Variants in SAMD12 observed in about 807,000 individuals in gnomAD.
SAMD12 encodes sterile alpha motif domain-containing protein 12.
A neutral mutation model predicts 15.0 loss-of-function variants in SAMD12; 9 were observed. The observed-to-expected ratio is 0.60, with a 90% CI of 0.36 to 1.05. The LOEUF is 1.05. Among genes scored for constraint, SAMD12 ranks in the 50% least tolerant of loss-of-function variants. The pLI, the probability that SAMD12 is intolerant of heterozygous loss-of-function variation, is 0.01. For synonymous variants in SAMD12, 86 were observed against 90.1 expected (o/e 0.96, Z 0.25); for missense variants, 230 against 234.2 (o/e 0.98, Z 0.12).
At chr8:118,163,280 C>A in the SAMD12 span, among the ~76,000 whole-genome samples, 4 of 152,236 alleles carry the variant, frequency 2.6e-5, no homozygotes, top group Non-Finnish European at 4.4e-5. Context: ...GGGACTCCCT[C>A]TGTTGCCCAG....
chr8:118,500,747 A>G (rs1327802136), intron 2 of SAMD12, among the ~76,000 whole-genome samples: 1 of 152,176 alleles, frequency 6.6e-6, no homozygotes, highest in East Asian at 1.9e-4. Flanking sequence ...CAGAGATTGC[A>G]GTGAGCTGAG....
At chr8:118,135,546 CT>C in the SAMD12 span, among the ~76,000 whole-genome samples, 1 of 150,130 alleles carries the variant, frequency 6.7e-6, no homozygotes. Context: ...TTTTCTTCTT[CT>C]TTTTTTCTTT....
rs1178823014 is a variant in SAMD12, at chr8:118,349,944, A to C, written c.433+29616T>G. Among the ~76,000 whole-genome samples, 6 of 151,980 alleles carry C rather than the reference A, an allele frequency of 3.9e-5. No homozygotes were observed. The East Asian group carries it at 1.2e-3, about 29-fold the overall frequency. ...GGAGTTTGAGGCCAGCTTGGGCAAC[A>C]TAGTGAGATCTCATCTCTACAAAAA... On this transcript the variant is annotated intron_variant, in intron 4 of 4. Coordinates refer to the SAMD12 transcript ENST00000409003.
chr8:118,215,269 C>G (rs1229074849), intron 4 of SAMD12, among the ~76,000 whole-genome samples: 1 of 152,100 alleles, frequency 6.6e-6, no homozygotes, highest in Non-Finnish European at 1.5e-5. Context: ...TAGCTGCTTT[C>G]AAAACAACAG....
intron 2 of SAMD12, among the ~76,000 whole-genome samples, chr8:118,453,842 T>C (rs902154158): frequency 6.6e-6 from 1 of 152,096 alleles, no homozygotes; most frequent in Non-Finnish European, 1.5e-5. Flanking sequence ...TTTAATTTCA[T>C]TTCTTTTTCT....
intron 3 of SAMD12, among the ~76,000 whole-genome samples, chr8:118,384,698 G>A (rs1039640058): frequency 1.3e-5 from 2 of 152,154 alleles, no homozygotes; most frequent in African/African-American, 4.8e-5. Flanking sequence ...TCTTTAGAGA[G>A]CACTTGGGAT....
intron 2 of SAMD12, among the ~76,000 whole-genome samples, chr8:118,537,403 A>G (rs933101346): frequency 7.9e-5 from 12 of 151,936 alleles, no homozygotes; most frequent in African/African-American, 2.7e-4. Flanking sequence ...TAGGGCAATA[A>G]CTCTTAGATT....
intron 4 of SAMD12, among the ~76,000 whole-genome samples, chr8:118,306,249 G>C (rs1815343115): frequency 6.6e-6 from 1 of 152,172 alleles, no homozygotes; most frequent in Non-Finnish European, 1.5e-5. Context: ...GGAGAAAGAA[G>C]TTTCAAAGTT....
chr8:118,566,468 G>A (rs1317523013), intron 2 of SAMD12, among the ~76,000 whole-genome samples: 4 of 152,156 alleles, frequency 2.6e-5, no homozygotes, highest in Admixed American at 6.5e-5. Context: ...CGTGAAGGTA[G>A]AACTCACTTC....
At chr8:118,303,220 A>T (rs975221389) in intron 4 of SAMD12, among the ~76,000 whole-genome samples, 1 of 152,202 alleles carries the variant, frequency 6.6e-6, no homozygotes, top group East Asian at 1.9e-4. Flanking sequence ...CTACAAAGGG[A>T]TTAAAGGGCC....
rs200915631 is a variant in SAMD12 at position 118,323,827 on chromosome 8, C to CA, written c.433+55732dup. Among the ~76,000 whole-genome samples, 447 of 150,676 alleles carry CA rather than the reference C, an allele frequency of 3.0e-3. 2 individuals are homozygous for CA. Among genetic ancestry groups the CA allele is most frequent in the Middle Eastern group, 0.017 (5 of 292 alleles). On this transcript the variant is annotated intron_variant, in intron 4 of 4. Transcript: ENST00000409003. The stretch of plus-strand genomic sequence containing the variant: ...GGATAATAGTAGCGAGATCCTGTCT[C>CA]AAAAAAAAATCTGTACAACACAACA...
At chr8:118,482,462 A>T (rs1159746673) in intron 2 of SAMD12, among the ~76,000 whole-genome samples, 7 of 151,866 alleles carry the variant, frequency 4.6e-5, no homozygotes, top group South Asian at 4.2e-4. Context: ...GACGGGAAAT[A>T]TATATTTTTT....
intron 2 of SAMD12, among the ~76,000 whole-genome samples, chr8:118,505,009 C>T (rs1035854608): frequency 6.6e-5 from 10 of 152,210 alleles, no homozygotes; most frequent in Admixed American, 6.5e-5. Flanking sequence ...TGACTTTGGA[C>T]TTCTGGCCTC....
intron 2 of SAMD12, among the ~76,000 whole-genome samples, chr8:118,543,063 T>C (rs1210542150): frequency 6.6e-6 from 1 of 151,926 alleles, no homozygotes; most frequent in Non-Finnish European, 1.5e-5. Context: ...AAATAAGAAT[T>C]AAAAACACTA....
chr8:118,366,870 A>C, intron 4 of SAMD12, among the ~76,000 whole-genome samples: 1 of 128,756 alleles, frequency 7.8e-6, no homozygotes, highest in East Asian at 2.1e-4. Context: ...ATAAAATAAA[A>C]TAAAATAAAA....
intron 2 of SAMD12, among the ~76,000 whole-genome samples, chr8:118,453,015 A>G (rs971654147): frequency 2.0e-5 from 3 of 152,248 alleles, no homozygotes; most frequent in Non-Finnish European, 4.4e-5. Flanking sequence ...TGTCTGTGAC[A>G]GTATTACTAA....
intron 1 of SAMD12, among the ~76,000 whole-genome samples, chr8:118,610,516 C>T (rs1828082925): frequency 6.6e-6 from 1 of 152,142 alleles, no homozygotes; most frequent in South Asian, 2.1e-4. Flanking sequence ...GAGCTAAATT[C>T]TCTCGATGAT....
chr8:118,436,027 ACCCT>A (rs1822566678), intron 3 of SAMD12, among the ~76,000 whole-genome samples: 1 of 152,156 alleles, frequency 6.6e-6, no homozygotes, highest in Non-Finnish European at 1.5e-5. Context: ...ATATTGTATT[ACCCT>A]CTGTTATCTA....
chr8:118,243,982 G>A (rs927832848), intron 4 of SAMD12, among the ~76,000 whole-genome samples: 22 of 152,106 alleles, frequency 1.4e-4, no homozygotes, highest in Non-Finnish European at 2.6e-4. Context: ...TTTATTTCTG[G>A]AAATAAGAGA....
Sources: gnomAD v4.1 joint callset for allele counts (sites outside exome capture counted in the v4.1 genomes callset) on GRCh38, gnomAD v4.1.1 for gene constraint, MANE v1.5 for transcripts, NCBI Gene and HGNC (gene_info 2026-07-23, HGNC 2026-07-21) for gene names.